DLGAP2: variants seen among roughly 807,000 people sequenced by gnomAD.
DLGAP2 encodes DLG associated protein 2, also known as disks large-associated protein 2.
DLGAP2 carries 26 observed loss-of-function variants against 100.3 expected under a neutral mutation model. That is an observed-to-expected ratio of 0.26 (90% CI 0.19 to 0.36). DLGAP2 has a LOEUF of 0.36. Ranked by LOEUF, DLGAP2 falls within the 10% of genes least tolerant of loss-of-function variation. The pLI, the probability that DLGAP2 is intolerant of heterozygous loss-of-function variation, is 1.00. For missense variants in DLGAP2, 1,858 were observed against 1,453.2 expected (o/e 1.28, Z -4.53); for synonymous variants, 886 against 630.1 (o/e 1.41, Z -6.08).
chr8:845,519 A>G (rs548884342), intron 1 of DLGAP2, among the ~76,000 whole-genome samples: 21 of 152,246 alleles, frequency 1.4e-4, no homozygotes, highest in Admixed American at 1.0e-3. Context: ...TTATTTGTCT[A>G]TTATTGGATA....
chr8:1,290,666 C>G (rs1720256066), intron 3 of DLGAP2, among the ~76,000 whole-genome samples: 1 of 152,190 alleles, frequency 6.6e-6, no homozygotes, highest in Admixed American at 6.5e-5. Flanking sequence ...TTAATTTCCT[C>G]CCATCCACTT....
At chr8:771,913 A>G (rs1419965204) in intron 1 of DLGAP2, among the ~76,000 whole-genome samples, 1 of 152,062 alleles carries the variant, frequency 6.6e-6, no homozygotes, top group Non-Finnish European at 1.5e-5. Flanking sequence ...ATTTCATTTT[A>G]TTTTTTTAGA....
At chr8:1,574,715 T>C (rs1323463268) in intron 6 of DLGAP2, among the ~76,000 whole-genome samples, 3 of 152,240 alleles carry the variant, frequency 2.0e-5, no homozygotes, top group Non-Finnish European at 4.4e-5. Flanking sequence ...GTTGATAAAG[T>C]TGGTTGACCC....
At chr8:1,359,741 A>T (rs1348139200) in intron 3 of DLGAP2, among the ~76,000 whole-genome samples, 1 of 152,204 alleles carries the variant, frequency 6.6e-6, no homozygotes, top group African/African-American at 2.4e-5. Context: ...GCAGCGTGGG[A>T]CTGTGGATAT....
intron 1 of DLGAP2, among the ~76,000 whole-genome samples, chr8:756,348 G>C (rs966454130): frequency 6.6e-6 from 1 of 152,152 alleles, no homozygotes; most frequent in Non-Finnish European, 1.5e-5. Flanking sequence ...TGTCGTTGTG[G>C]GACCGCCTTT....
chr8:1,511,561 T>A (rs1271531064), intron 4 of DLGAP2, among the ~76,000 whole-genome samples: 1 of 136,656 alleles, frequency 7.3e-6, no homozygotes, highest in Non-Finnish European at 1.6e-5. Context: ...TGGACGTAAG[T>A]GCTGTCTAGT....
intron 6 of DLGAP2, among the ~76,000 whole-genome samples, chr8:1,574,773 T>C (rs1802892725): frequency 6.6e-6 from 1 of 152,198 alleles, no homozygotes; most frequent in Admixed American, 6.5e-5. Context: ...AGAAATTGTA[T>C]ATGGTTCAAC....
In DLGAP2 at chr8:1,356,965, C is replaced by T. The variant is rs560654824; in HGVS notation, c.106+98082C>T. On this transcript the variant is annotated intron_variant, in intron 3 of 14. Transcript: ENST00000637795. ...GCAAACCCGCGAGCAGCTGCGAGGGCTGAGGCTGTGCTCATAACCTGGAAC... is the reference window on the plus strand; with the variant it reads ...GCAAACCCGCGAGCAGCTGCGAGGGTTGAGGCTGTGCTCATAACCTGGAAC... 2.6e-5 allele frequency among the ~76,000 whole-genome samples: 4 copies of T among 152,332 alleles called. No homozygotes were observed. In the South Asian group the frequency reaches 8.3e-4, roughly 32 times the overall value.
intron 4 of DLGAP2, among the ~76,000 whole-genome samples, chr8:1,528,111 G>C (rs1242218440): frequency 1.3e-5 from 2 of 152,254 alleles, no homozygotes; most frequent in Non-Finnish European, 2.9e-5. Context: ...AGTGACTGCT[G>C]TGCGGTCCAG....
At chr8:1,228,092 G>C (rs1048826353) in intron 2 of DLGAP2, among the ~76,000 whole-genome samples, 1 of 152,088 alleles carries the variant, frequency 6.6e-6, no homozygotes, top group Admixed American at 6.6e-5. Context: ...GTGGGGGAAT[G>C]GGGGAGGGAT....
At chr8:1,509,071 G>A (rs1800059152) in intron 4 of DLGAP2, among the ~76,000 whole-genome samples, 1 of 152,028 alleles carries the variant, frequency 6.6e-6, no homozygotes, top group African/African-American at 2.4e-5. Flanking sequence ...GGTGGCTCAC[G>A]CCTGTAATCT....
chr8:1,509,654 G>C (rs777837550), intron 4 of DLGAP2, among the ~76,000 whole-genome samples: 1 of 152,096 alleles, frequency 6.6e-6, no homozygotes, highest in Non-Finnish European at 1.5e-5. Context: ...ACTGGAACTT[G>C]AGCAATTCAC....
chr8:1,241,459 C>T (rs576779058), intron 2 of DLGAP2, among the ~76,000 whole-genome samples: 3 of 152,314 alleles, frequency 2.0e-5, no homozygotes, highest in East Asian at 3.9e-4. Flanking sequence ...CACCCTGACG[C>T]GTTATTTATT....
chr8:1,556,485 G>A (rs967084399), intron 5 of DLGAP2, among the ~76,000 whole-genome samples: 9 of 152,180 alleles, frequency 5.9e-5, no homozygotes, highest in African/African-American at 2.2e-4. Flanking sequence ...TTCCCTCCTA[G>A]GGCAGTGGAT....
intron 2 of DLGAP2, among the ~76,000 whole-genome samples, chr8:908,729 T>A (rs1421815124): frequency 6.6e-6 from 1 of 152,236 alleles, no homozygotes; most frequent in African/African-American, 2.4e-5. Context: ...GAGGAAAGTA[T>A]GGAGAAGATG....
intron 2 of DLGAP2, chr8:1,137,463 C>T (rs766412526): frequency 2.6e-5 from 4 of 152,506 alleles, no homozygotes; most frequent in South Asian, 2.1e-4. Context: ...TGGAGCCTCT[C>T]GCTGTCTGAG....
intron 3 of DLGAP2, among the ~76,000 whole-genome samples, chr8:1,383,528 C>G (rs908120878): frequency 6.6e-6 from 1 of 152,184 alleles, no homozygotes; most frequent in African/African-American, 2.4e-5. Context: ...TAGGGACACA[C>G]AGTTGGCGAC....
chr8:1,284,894 C>G (rs73170414), intron 3 of DLGAP2, among the ~76,000 whole-genome samples: 3,956 of 152,294 alleles, frequency 0.026, 64 homozygotes, highest in Middle Eastern at 0.054. Flanking sequence ...TTCTTTTCTC[C>G]TCATTCTTGA....
chr8:1,318,946 T>G (rs1322727129), intron 3 of DLGAP2, among the ~76,000 whole-genome samples: 4 of 152,266 alleles, frequency 2.6e-5, no homozygotes, highest in African/African-American at 9.6e-5. Context: ...AGCATGGTTT[T>G]TCCTCACCTG....
Sources: gnomAD v4.1 joint callset for allele counts (sites outside exome capture counted in the v4.1 genomes callset) on GRCh38, gnomAD v4.1.1 for gene constraint, MANE v1.5 for transcripts, NCBI Gene and HGNC (gene_info 2026-07-23, HGNC 2026-07-21) for gene names.